C1orf21: variants seen among roughly 807,000 people sequenced by gnomAD.
The protein encoded by C1orf21 is uncharacterized protein C1orf21.
A neutral mutation model predicts 18.7 loss-of-function variants in C1orf21; 3 were observed. The observed-to-expected ratio is 0.16, with a 90% CI of 0.07 to 0.42. C1orf21 has a LOEUF of 0.42. C1orf21 is among the 10% of genes least tolerant of loss of function. The pLI is 0.99. For missense variants in C1orf21, 104 were observed against 143.6 expected (o/e 0.72, Z 1.41); for synonymous variants, 41 against 46.4 (o/e 0.88, Z 0.47).
At chr1:184,593,218 C>A (rs1659463972) in intron 4 of C1orf21, among the ~76,000 whole-genome samples, 2 of 152,126 alleles carry the variant, frequency 1.3e-5, no homozygotes, top group Non-Finnish European at 2.9e-5. Flanking sequence ...CACAGACTGG[C>A]ATGTGCTGAA....
At chr1:184,587,951 C>T (rs1659381760) in intron 3 of C1orf21, among the ~76,000 whole-genome samples, 1 of 152,020 alleles carries the variant, frequency 6.6e-6, no homozygotes, top group South Asian at 2.1e-4. Context: ...ATTTTGTGTC[C>T]TGAGACTTTG....
chr1:184,596,547 CG>C (rs1351968939), intron 4 of C1orf21, among the ~76,000 whole-genome samples: 2 of 152,122 alleles, frequency 1.3e-5, no homozygotes, highest in African/African-American at 4.8e-5. Context: ...CATATACATA[CG>C]GTTATCTATC....
chr1:184,448,157 C>T (rs569870211), intron 1 of C1orf21, among the ~76,000 whole-genome samples: 2 of 152,304 alleles, frequency 1.3e-5, no homozygotes, highest in South Asian at 4.1e-4. Flanking sequence ...GATCTTGGCT[C>T]ACTGTAGCCT....
intron 1 of C1orf21, among the ~76,000 whole-genome samples, chr1:184,476,787 T>A (rs1283982565): frequency 1.3e-5 from 2 of 152,158 alleles, no homozygotes; most frequent in Non-Finnish European, 2.9e-5. Flanking sequence ...CCTTGCCCCA[T>A]CTCCTTCCTT....
rs1004094446 is a variant in C1orf21, at chr1:184,623,646, G to A, written c.*4090G>A. 5 of 152,516 alleles carry A rather than the reference G, an allele frequency of 3.3e-5. No individual in the cohort carries two copies. Among genetic ancestry groups the A allele is most frequent in the Admixed American group, 6.5e-5 (1 of 15,280 alleles). 9.4% of individuals were successfully genotyped at this position (152,516 alleles called of 1,614,324 possible). A position where few individuals can be genotyped will look rare whatever the true frequency, so the allele number is the denominator to read the frequency against. On this transcript the variant is annotated 3_prime_UTR_variant, in exon 6 of 6. Transcript: ENST00000235307. ...CTGTGAGGGGCTGGGTTAGGCAGTC[G>A]GCTGTCACACTCACATGTGCCTGCA...
intron 3 of C1orf21, among the ~76,000 whole-genome samples, chr1:184,538,467 C>A (rs1206226790): frequency 6.6e-6 from 1 of 152,126 alleles, no homozygotes; most frequent in Admixed American, 6.5e-5. Flanking sequence ...TTTTCATTTT[C>A]ATGAAATCCA....
At chr1:184,408,027 G>T (rs1237177178) in intron 1 of C1orf21, among the ~76,000 whole-genome samples, 1 of 152,138 alleles carries the variant, frequency 6.6e-6, no homozygotes, top group Non-Finnish European at 1.5e-5. Flanking sequence ...AAACCATCAG[G>T]TGGGCCACAG....
intron 3 of C1orf21, among the ~76,000 whole-genome samples, chr1:184,589,851 A>G (rs1315093426): frequency 6.6e-6 from 1 of 152,210 alleles, no homozygotes; most frequent in Non-Finnish European, 1.5e-5. Context: ...TTTATGTGTC[A>G]TCCCACATCA....
chr1:184,459,256 A>G (rs560013067), intron 1 of C1orf21, among the ~76,000 whole-genome samples: 7 of 152,346 alleles, frequency 4.6e-5, no homozygotes, highest in African/African-American at 1.7e-4. Context: ...CTCAAACAGA[A>G]TAAGCTGTAT....
At chr1:184,420,876 A>G (rs557021300) in intron 1 of C1orf21, among the ~76,000 whole-genome samples, 58 of 152,118 alleles carry the variant, frequency 3.8e-4, no homozygotes, top group African/African-American at 1.4e-3. Context: ...ATACCAAGTT[A>G]ATTATTTGAG....
chr1:184,451,349 G>A (rs982402481), intron 1 of C1orf21, among the ~76,000 whole-genome samples: 2 of 151,800 alleles, frequency 1.3e-5, no homozygotes, highest in South Asian at 2.1e-4. Context: ...GGAGTGCAAC[G>A]GCACGATCAT....
Position 184,628,931 on chromosome 1 carries a change from C to G in C1orf21, c.*9375C>G, listed in dbSNP as rs1245457898. Reference sequence around the variant, plus strand: ...AAAGGGTCTGAGAAAGTGTACAGGTCTAATTATATATACATATTTATACAT... The same window carrying G: ...AAAGGGTCTGAGAAAGTGTACAGGTGTAATTATATATACATATTTATACAT... On this transcript the variant is annotated 3_prime_UTR_variant, in exon 6 of 6. Transcript: ENST00000235307. 1 of 152,338 alleles carries G rather than the reference C, an allele frequency of 6.6e-6. No homozygotes were observed. The highest frequency in any genetic ancestry group is 1.5e-5 in the Non-Finnish European group (1 of 67,988). 9.4% of individuals were successfully genotyped at this position (152,338 alleles called of 1,614,324 possible). A position where few individuals can be genotyped will look rare whatever the true frequency, so the allele number is the denominator to read the frequency against.
At chr1:184,612,919 C>T (rs1169057095) in intron 5 of C1orf21, among the ~76,000 whole-genome samples, 1 of 152,066 alleles carries the variant, frequency 6.6e-6, no homozygotes, top group African/African-American at 2.4e-5. Context: ...TGTTGTTACT[C>T]TCTTGCTGTG....
At chr1:184,601,632 G>A (rs1659585895) in intron 5 of C1orf21, among the ~76,000 whole-genome samples, 1 of 152,234 alleles carries the variant, frequency 6.6e-6, no homozygotes, top group Admixed American at 6.5e-5. Context: ...GCCAGGCGCG[G>A]TGGCTCACAC....
intron 3 of C1orf21, among the ~76,000 whole-genome samples, chr1:184,509,649 C>T (rs1658114922): frequency 6.6e-6 from 1 of 152,102 alleles, no homozygotes; most frequent in Non-Finnish European, 1.5e-5. Flanking sequence ...GCCTCCTAAA[C>T]TTGAAGCTTA....
intron 1 of C1orf21, among the ~76,000 whole-genome samples, chr1:184,451,135 C>T (rs951617084): frequency 1.3e-5 from 2 of 152,190 alleles, no homozygotes; most frequent in Non-Finnish European, 2.9e-5. Flanking sequence ...GCCTCGGCCT[C>T]CCAAACTGCT....
chr1:184,430,183 T>A (rs1461098797), intron 1 of C1orf21, among the ~76,000 whole-genome samples: 1 of 152,004 alleles, frequency 6.6e-6, no homozygotes, highest in East Asian at 1.9e-4. Context: ...TATTTTTTTT[T>A]AAGCTAAACC....
intron 3 of C1orf21, among the ~76,000 whole-genome samples, chr1:184,566,053 T>C (rs2101987884): frequency 6.6e-6 from 1 of 152,212 alleles, no homozygotes; most frequent in Non-Finnish European, 1.5e-5. Context: ...TTGTACGTTG[T>C]TTAAAATTGT....
At chr1:184,572,220 G>T (rs1392468058) in intron 3 of C1orf21, among the ~76,000 whole-genome samples, 1 of 152,182 alleles carries the variant, frequency 6.6e-6, no homozygotes, top group African/African-American at 2.4e-5. Flanking sequence ...AGATTATCAA[G>T]GGAACATCAG....
Sources: allele counts gnomAD v4.1 joint callset (sites outside exome capture counted in the v4.1 genomes callset), GRCh38; gene constraint gnomAD v4.1.1; transcripts MANE v1.5; gene names NCBI Gene and HGNC (gene_info 2026-07-23, HGNC 2026-07-21).